The following MEF2A variants were observed in gnomAD, a reference collection of about 807,000 sequenced individuals.
MEF2A encodes myocyte enhancer factor 2A, also known as myocyte-specific enhancer factor 2A.
In MEF2A, 28 loss-of-function variants were observed where a neutral mutation model predicts 55.8. The observed-to-expected ratio is 0.50, with a 90% CI of 0.37 to 0.69. MEF2A has a LOEUF of 0.69. Ranked by LOEUF, MEF2A falls within the 30% of genes least tolerant of loss-of-function variation. MEF2A has a pLI of 0.00. For missense variants in MEF2A, 528 were observed against 626.2 expected (o/e 0.84, Z 1.67); for synonymous variants, 239 against 227.1 (o/e 1.05, Z -0.47).
chr15:99,693,457 A>G (rs1454689721), intron 8 of MEF2A, among the ~76,000 whole-genome samples: 1 of 151,972 alleles, frequency 6.6e-6, no homozygotes, highest in Non-Finnish European at 1.5e-5. Flanking sequence ...ACGCACACAC[A>G]CTCTCACTCC....
intron 1 of MEF2A, among the ~76,000 whole-genome samples, chr15:99,594,196 G>A (rs1970343012): frequency 6.6e-6 from 1 of 152,142 alleles, no homozygotes; most frequent in Non-Finnish European, 1.5e-5. Context: ...CTGATCAATT[G>A]GCTGTAAATC....
chr15:99,677,244 TAAAC>T (rs778063624), intron 7 of MEF2A, among the ~76,000 whole-genome samples: 2 of 151,894 alleles, frequency 1.3e-5, no homozygotes, highest in African/African-American at 2.4e-5. Flanking sequence ...CTTGCAGAAA[TAAAC>T]AAACAATGGA....
intron 1 of MEF2A, among the ~76,000 whole-genome samples, chr15:99,587,852 T>A (rs1385820385): frequency 2.6e-5 from 4 of 152,178 alleles, no homozygotes; most frequent in Non-Finnish European, 4.4e-5. Context: ...TTTTGTTTTT[T>A]ACTGTGTGTG....
intron 1 of MEF2A, among the ~76,000 whole-genome samples, chr15:99,573,124 TA>T (rs1963021208): frequency 6.6e-6 from 1 of 151,930 alleles, no homozygotes; most frequent in Admixed American, 6.5e-5. Flanking sequence ...CCATCTCTAC[TA>T]AAAATACAAA....
intron 8 of MEF2A, among the ~76,000 whole-genome samples, chr15:99,702,568 T>C (rs1216861371): frequency 1.3e-5 from 2 of 151,856 alleles, no homozygotes; most frequent in Non-Finnish European, 2.9e-5. Context: ...GCTGGGATTA[T>C]AGGCACCTGC....
At chr15:99,632,458 T>G (rs1437737697) in intron 2 of MEF2A, among the ~76,000 whole-genome samples, 2 of 152,112 alleles carry the variant, frequency 1.3e-5, no homozygotes, top group African/African-American at 4.8e-5. Context: ...GGTATGGAGG[T>G]CATCAGAAGT....
chr15:99,598,600 T>G (rs1972008162), intron 2 of MEF2A, 89 bp downstream of exon 2: 1 of 152,188 alleles, frequency 6.6e-6, no homozygotes, highest in African/African-American at 2.4e-5. Context: ...GAATGGCAGT[T>G]ATTTTAGAGG....
At chr15:99,638,863 A>G (rs147328541) in intron 3 of MEF2A, among the ~76,000 whole-genome samples, 9 of 152,258 alleles carry the variant, frequency 5.9e-5, no homozygotes, top group African/African-American at 2.2e-4. Flanking sequence ...CAGACCTTGT[A>G]TGTGAAAGAG....
chr15:99,575,851 C>A (rs77400929), intron 1 of MEF2A, among the ~76,000 whole-genome samples: 71 of 152,242 alleles, frequency 4.7e-4, no homozygotes, highest in African/African-American at 1.6e-3. Context: ...ATAATGGATT[C>A]TTTTTTATTA....
intron 8 of MEF2A, among the ~76,000 whole-genome samples, chr15:99,696,774 A>G (rs1321689659): frequency 1.3e-5 from 2 of 151,946 alleles, no homozygotes; most frequent in Non-Finnish European, 2.9e-5. Context: ...TTTCAGAAAA[A>G]ATTAGGAGAG....
chr15:99,676,501 C>T (rs369702074), intron 7 of MEF2A, among the ~76,000 whole-genome samples: 8 of 151,656 alleles, frequency 5.3e-5, no homozygotes, highest in African/African-American at 1.9e-4. Context: ...AAAGGCTGGA[C>T]TCTAGAAGTA....
rs1010908456 is a variant in MEF2A, at chr15:99,694,485, C to T, written c.858+4057C>T. ...AAAATGATCCAATGAGTACTACATG[C>T]GAGTGTCATGTTGGTGCTCAACAGG... On this transcript the variant is annotated intron_variant, in intron 8 of 11. Coordinates refer to ENST00000557942, the MANE Select transcript of MEF2A (RefSeq NM_001319206.4). Among the ~76,000 whole-genome samples the T allele has an allele frequency of 1.1e-4, 17 of 152,298 alleles. No homozygotes were observed. In the South Asian group the frequency reaches 3.3e-3, roughly 30 times the overall value.
chr15:99,613,004 G>T (rs989327867), intron 2 of MEF2A, among the ~76,000 whole-genome samples: 13 of 152,028 alleles, frequency 8.6e-5, no homozygotes, highest in Non-Finnish European at 1.8e-4. Context: ...GGCCATAAAT[G>T]TGTGTATAAA....
At chr15:99,566,190 G>C (rs1329457238) in intron 1 of MEF2A, 86 bp downstream of exon 1, 4 of 127,750 alleles carry the variant, frequency 3.1e-5, no homozygotes, top group African/African-American at 1.2e-4. Context: ...CCGAGTAGGG[G>C]TTGGGGTGGA....
intron 1 of MEF2A, among the ~76,000 whole-genome samples, chr15:99,578,160 A>G (rs1410403078): frequency 6.6e-6 from 1 of 152,174 alleles, no homozygotes; most frequent in Non-Finnish European, 1.5e-5. Flanking sequence ...TGTGATACCT[A>G]CTACTGTAGT....
In MEF2A at chr15:99,712,903, G is replaced by C; in HGVS notation, c.*132G>C. ...TATATATATCCCTTTACATATATAT[G>C]TATGTGGGTGTGAGTGTGTATGTGT... On this transcript the variant is annotated 3_prime_UTR_variant, in exon 12 of 12. Transcript: ENST00000557942. This position sits in a 1 kb window ranked among gnomAD's most constrained non-coding sequence, Gnocchi z 4.1. 1.9e-6 allele frequency: 2 copies of C among 1,032,458 alleles called. No homozygotes were observed. The highest frequency in any genetic ancestry group is 2.7e-6 in the Non-Finnish European group (2 of 734,860). The allele number at this position is 1,032,458 out of a possible 1,614,324, so 64.0% of individuals were successfully genotyped here.
chr15:99,582,806 C>T (rs1966314205), intron 1 of MEF2A, among the ~76,000 whole-genome samples: 1 of 152,048 alleles, frequency 6.6e-6, no homozygotes, highest in Admixed American at 6.6e-5. Flanking sequence ...ATGCATGATG[C>T]ACTCCCTTGA....
chr15:99,648,185 A>G (rs763940233), intron 4 of MEF2A, among the ~76,000 whole-genome samples: 2 of 152,124 alleles, frequency 1.3e-5, no homozygotes, highest in African/African-American at 2.4e-5. Context: ...TTGGAATACC[A>G]TTTTTTCCTT....
rs554833735 is a variant in MEF2A, at chr15:99,635,419, T to C, written c.54+2246T>C. Among the ~76,000 whole-genome samples, 6 of 152,360 alleles carry C rather than the reference T, an allele frequency of 3.9e-5. No individual in the cohort carries two copies. In the South Asian group the frequency reaches 1.2e-3, roughly 32 times the overall value. ...CTTAGAAGCCTCTGGTGAAACCTTA[T>C]GTTTGTTCTTCCTTATCTAGAACAC... On this transcript the variant is annotated intron_variant, in intron 3 of 11. Coordinates refer to ENST00000557942, the MANE Select transcript of MEF2A (RefSeq NM_001319206.4).
Sources: allele counts gnomAD v4.1 joint callset (sites outside exome capture counted in the v4.1 genomes callset), GRCh38; gene constraint gnomAD v4.1.1; non-coding constraint Gnocchi (gnomAD v3.1); transcripts MANE v1.5; gene names NCBI Gene and HGNC (gene_info 2026-07-23, HGNC 2026-07-21).